Variants in PPP2R2B observed in about 807,000 individuals in gnomAD.
PPP2R2B encodes protein phosphatase 2 regulatory subunit Bbeta, also known as serine/threonine-protein phosphatase 2A 55 kDa regulatory subunit B beta isoform.
In PPP2R2B, 5 loss-of-function variants were observed where a neutral mutation model predicts 46.0. The ratio of observed to expected loss-of-function variants is 0.11; its 90% CI spans 0.06 to 0.23. The LOEUF is 0.23. PPP2R2B is among the 10% of genes least tolerant of loss of function. The pLI, the probability that PPP2R2B is intolerant of heterozygous loss-of-function variation, is 1.00. For missense variants in PPP2R2B, 367 were observed against 575.0 expected, an observed-to-expected ratio of 0.64 and a Z score of 3.70; for synonymous variants, 215 against 206.7, an observed-to-expected ratio of 1.04 and a Z score of -0.34.
At chr5:146,879,159 T>C (rs969949891), upstream of PPP2R2B, 1 of 155,522 alleles carries the variant, frequency 6.4e-6, no homozygotes, top group Non-Finnish European at 1.4e-5. Context: ...GGTCCCTTGG[T>C]GAATTTAAAG....
At chr5:146,759,871 G>A (rs1343965032) in intron 2 of PPP2R2B, among the ~76,000 whole-genome samples, 3 of 151,730 alleles carry the variant, frequency 2.0e-5, no homozygotes, top group African/African-American at 7.3e-5. Flanking sequence ...CAACTCCAGT[G>A]CTTTAGTTGT....
chr5:146,972,035 G>A (rs1752685601), intron 1 of PPP2R2B, among the ~76,000 whole-genome samples: 1 of 152,058 alleles, frequency 6.6e-6, no homozygotes, highest in Non-Finnish European at 1.5e-5. Flanking sequence ...CATCTAGGAG[G>A]CAATATTGCA....
At chr5:146,645,651 C>T (rs948527683) in intron 6 of PPP2R2B, among the ~76,000 whole-genome samples, 2 of 152,258 alleles carry the variant, frequency 1.3e-5, no homozygotes, top group Middle Eastern at 3.4e-3. Flanking sequence ...ATTAGGGAAT[C>T]GACTCTAACA....
intron 1 of PPP2R2B, among the ~76,000 whole-genome samples, chr5:147,028,942 A>G (rs1755650963): frequency 6.6e-6 from 1 of 152,064 alleles, no homozygotes; most frequent in South Asian, 2.1e-4. Flanking sequence ...TTACATTTTC[A>G]AGTACTTATT....
At chr5:146,910,386 C>T (rs1751171802) in intron 1 of PPP2R2B, among the ~76,000 whole-genome samples, 1 of 152,176 alleles carries the variant, frequency 6.6e-6, no homozygotes, top group African/African-American at 2.4e-5. Flanking sequence ...AAGTGTAGTG[C>T]CTCAAGTGCA....
intron 1 of PPP2R2B, chr5:146,914,184 A>T (rs1303997677): frequency 6.6e-6 from 1 of 152,248 alleles, no homozygotes. Context: ...TTTAAAACCA[A>T]TATTGACAGT....
At chr5:146,944,877 T>C (rs937430066) in intron 1 of PPP2R2B, among the ~76,000 whole-genome samples, 74 of 152,270 alleles carry the variant, frequency 4.9e-4, no homozygotes, top group African/African-American at 1.3e-3. Context: ...AGGAGTCTAA[T>C]AGTTTGTTTT....
chr5:146,744,497 T>C (rs1753058452), intron 2 of PPP2R2B, among the ~76,000 whole-genome samples: 1 of 152,164 alleles, frequency 6.6e-6, no homozygotes, highest in Non-Finnish European at 1.5e-5. Context: ...GCTTTCAGAA[T>C]GAACAATGGG....
In PPP2R2B at chr5:146,589,118, G is replaced by T. The variant is rs116528714; in HGVS notation, c.*829C>A. The T allele has an allele frequency of 1.3e-3, 200 of 152,296 alleles. No individual in the cohort carries two copies. Among genetic ancestry groups the T allele is most frequent in the African/African-American group, 4.6e-3 (192 of 41,556 alleles). 9.4% of individuals were successfully genotyped at this position (152,296 alleles called of 1,614,324 possible). A position where few individuals can be genotyped will look rare whatever the true frequency, so the allele number is the denominator to read the frequency against. On this transcript the variant is annotated 3_prime_UTR_variant, in exon 10 of 10. Coordinates refer to ENST00000394411, the MANE Select transcript of PPP2R2B (RefSeq NM_181675.4). ...GCTGGAAAAGGTTGAAGAGAAAAAA[G>T]CCAAGGAACATGTAAGTAGAAGATT...
At chr5:146,911,071 T>C (rs549863769) in intron 1 of PPP2R2B, among the ~76,000 whole-genome samples, 3 of 148,098 alleles carry the variant, frequency 2.0e-5, no homozygotes, top group Non-Finnish European at 4.4e-5. Context: ...CAGATCAGAT[T>C]GTCTGTTAGA....
chr5:146,678,485 G>A (rs200209710), intron 5 of PPP2R2B, among the ~76,000 whole-genome samples: 7,311 of 129,030 alleles, frequency 0.057, 262 homozygotes, highest in East Asian at 0.097. Context: ...ACTGGCACAA[G>A]ACAGGGATGC....
Position 146,659,021 on chromosome 5 carries a change from A to G in PPP2R2B, c.448-8297T>C, listed in dbSNP as rs570158843. Among the ~76,000 whole-genome samples, 9 of 131,706 alleles carry G rather than the reference A, an allele frequency of 6.8e-5. No individual in the cohort carries two copies. The South Asian group carries it at 2.6e-3, about 38-fold the overall frequency. 86.4% of individuals were successfully genotyped at this position (131,706 alleles called of 152,430 possible). ...TAAAAGAAAAAGTCTATTTACATCT[A>G]TATTTGTCATAGAAATGATCAAAAA... On this transcript the variant is annotated intron_variant, in intron 5 of 9. Coordinates refer to ENST00000394411, the MANE Select transcript of PPP2R2B (RefSeq NM_181675.4).
At chr5:146,788,316 T>C (rs1435322585) in intron 2 of PPP2R2B, among the ~76,000 whole-genome samples, 1 of 152,084 alleles carries the variant, frequency 6.6e-6, no homozygotes. Flanking sequence ...CATTTTTTTT[T>C]TCTTTAGCAC....
At chr5:146,738,395 CAAA>C (rs58520511) in intron 2 of PPP2R2B, among the ~76,000 whole-genome samples, 14,784 of 85,206 alleles carry the variant, frequency 0.17, 788 homozygotes, top group African/African-American at 0.28. Flanking sequence ...GACTCAGTCT[CAAA>C]AAAAAAAAAA....
At position 146,586,447 on chromosome 5, in the gene PPP2R2B, T is replaced by C. The variant is rs1270982738; in HGVS notation, c.*3500A>G. 6.6e-6 allele frequency: 1 copy of C among 152,196 alleles called. No individual in the cohort carries two copies. The highest frequency in any genetic ancestry group is 6.5e-5 in the Admixed American group (1 of 15,276). The allele number at this position is 152,196 out of a possible 1,614,324, so 9.4% of individuals were successfully genotyped here. On this transcript the variant is annotated 3_prime_UTR_variant, in exon 10 of 10. Coordinates refer to ENST00000394411, the MANE Select transcript of PPP2R2B (RefSeq NM_181675.4). ...GTCTGGGGAGGGAAGCTTTAGGCAGTTGCTCTGTAGGCTTGAAGGGAGGGA... is the reference window on the plus strand; with the variant it reads ...GTCTGGGGAGGGAAGCTTTAGGCAGCTGCTCTGTAGGCTTGAAGGGAGGGA...
At chr5:146,657,018 T>C (rs1776377689) in intron 5 of PPP2R2B, among the ~76,000 whole-genome samples, 1 of 152,194 alleles carries the variant, frequency 6.6e-6, no homozygotes, top group African/African-American at 2.4e-5. Context: ...TCATTTGGCT[T>C]ATTTGGTGAC....
intron 1 of PPP2R2B, among the ~76,000 whole-genome samples, chr5:146,950,571 C>A (rs976997468): frequency 1.3e-5 from 2 of 151,990 alleles, no homozygotes; most frequent in African/African-American, 4.8e-5. Context: ...AACATCAGTA[C>A]TTTTCCAAGT....
intron 3 of PPP2R2B, 100 bp from the exon 4 acceptor site, chr5:146,698,244 T>C (rs1056237243): frequency 1.1e-6 from 1 of 930,518 alleles, no homozygotes; most frequent in Non-Finnish European, 1.5e-6. Context: ...GGGGGTGGGA[T>C]GAGGGCAGGG....
intron 2 of PPP2R2B, among the ~76,000 whole-genome samples, chr5:146,784,568 C>T (rs1755726066): frequency 6.6e-6 from 1 of 152,066 alleles, no homozygotes; most frequent in African/African-American, 2.4e-5. Flanking sequence ...TCAATTAGAA[C>T]TGGAATTCTA....
Sources: gnomAD v4.1 joint callset for allele counts (sites outside exome capture counted in the v4.1 genomes callset) on GRCh38, gnomAD v4.1.1 for gene constraint, MANE v1.5 for transcripts, NCBI Gene and HGNC (gene_info 2026-07-23, HGNC 2026-07-21) for gene names.